The following SHROOM2 variants were observed in gnomAD, a reference collection of about 807,000 sequenced individuals.
SHROOM2 encodes the protein shroom family member 2.
In SHROOM2, 33 loss-of-function variants were observed where a neutral mutation model predicts 75.9. The observed-to-expected ratio is 0.43, with a 90% confidence interval of 0.33 to 0.58. SHROOM2 has a LOEUF of 0.58. Ranked by LOEUF, SHROOM2 falls within the 20% of genes least tolerant of loss-of-function variation. SHROOM2 has a pLI of 0.04. For missense variants in SHROOM2, 1,434 were observed against 1,461.2 expected (o/e 0.98, Z 0.30); for synonymous variants, 655 against 663.6 (o/e 0.99, Z 0.20).
intron 1 of SHROOM2, among the ~76,000 whole-genome samples, chrX:9,851,947 A>C (rs2084043285): frequency 8.9e-6 from 1 of 112,383 alleles, no homozygotes; most frequent in African/African-American, 3.2e-5. Context: ...AGGTGACTGA[A>C]GTCTGATGTA....
Position 9,947,017 on chromosome X carries a change from T to G in SHROOM2, c.*80T>G, listed in dbSNP as rs2084827744. ...CCCAAGGATACTCGTGAAGACCCCA[T>G]CTGTGTTCATGGCCTGGAAAGAGAC... On this transcript the variant is annotated 3_prime_UTR_variant, in exon 10 of 10. Coordinates refer to ENST00000380913, the MANE Select transcript of SHROOM2 (RefSeq NM_001649.4). The G allele has an allele frequency of 2.1e-6, 2 of 961,011 alleles. No homozygotes were observed. Among genetic ancestry groups the G allele is most frequent in the Non-Finnish European group, 2.8e-6 (2 of 711,533 alleles). The allele number at this position is 961,011 out of a possible 1,213,427, so 79.2% of individuals were successfully genotyped here.
intron 2 of SHROOM2, among the ~76,000 whole-genome samples, chrX:9,875,101 AAAAAAAAAAG>A (rs1345123237): frequency 3.0e-5 from 3 of 100,501 alleles, no homozygotes; most frequent in African/African-American, 1.0e-4. Context: ...AAAAAAAAAA[AAAAAAAAAAG>A]GGGAGGAAGG....
Position 9,873,738 on chromosome X carries a change from G to A in SHROOM2, c.252G>A (p.Gly84=), listed in dbSNP as rs758068903. The change falls in exon 2 of 10, where the codon GGG becomes GGA. Residue 84 remains glycine (G), a synonymous_variant. Coordinates refer to ENST00000380913, the MANE Select transcript of SHROOM2 (RefSeq NM_001649.4). ...IVGINDIGLS[G]FRQEAICLVK... is the part of the protein sequence containing the mutation. ...GCATCAATGACATTGGTCTCTCAGGGTTTAGACAGGAAGCGATTTGCCTGG... is the reference window on the plus strand; with the variant it reads ...GCATCAATGACATTGGTCTCTCAGGATTTAGACAGGAAGCGATTTGCCTGG... 4 of 1,211,557 alleles carry A rather than the reference G, an allele frequency of 3.3e-6. No homozygotes were observed. The East Asian group carries it at 1.2e-4, about 36-fold the overall frequency.
intron 1 of SHROOM2, among the ~76,000 whole-genome samples, chrX:9,812,260 C>T (rs758331905): frequency 8.9e-6 from 1 of 112,031 alleles, no homozygotes; most frequent in East Asian, 2.8e-4. Context: ...TCACCTCAGG[C>T]ACCATTGGAT....
At chrX:9,926,200 A>G (rs1042624875) in intron 5 of SHROOM2, among the ~76,000 whole-genome samples, 4 of 111,947 alleles carry the variant, frequency 3.6e-5, no homozygotes, top group African/African-American at 1.3e-4. Flanking sequence ...TCTGGGGTGT[A>G]GTTGCCTGCC....
intron 1 of SHROOM2, among the ~76,000 whole-genome samples, chrX:9,855,174 A>G (rs972518119): frequency 4.7e-5 from 5 of 107,046 alleles, no homozygotes; most frequent in Non-Finnish European, 9.6e-5. Flanking sequence ...GAGGGATAAC[A>G]TTAGGAGAAA....
At chrX:9,827,223 C>CTTTTTCTTT (rs775170980) in intron 1 of SHROOM2, among the ~76,000 whole-genome samples, 23 of 60,134 alleles carry the variant, frequency 3.8e-4, no homozygotes, top group African/African-American at 1.7e-3. Flanking sequence ...TTTTCTTTTT[C>CTTTTTCTTT]TTTTTTTTTT....
Position 9,914,731 on chromosome X carries a change from T to C in SHROOM2, c.2891+16441T>C, listed in dbSNP as rs2084471830. ...TGGGTCCTACTATGCGGTTACCATC[T>C]TGATTTTATAATAAAGCAAACTGGG... is the stretch of plus-strand genomic sequence containing the variant. On this transcript the variant is annotated intron_variant, in intron 5 of 9. Transcript: ENST00000380913. 2.7e-5 allele frequency among the ~76,000 whole-genome samples: 3 copies of C among 112,182 alleles called. No homozygotes were observed. The Admixed American group carries it at 2.8e-4, about 11-fold the overall frequency.
chrX:9,793,138 CCCCCTCCCT>C (rs1235585371), intron 1 of SHROOM2, among the ~76,000 whole-genome samples: 3 of 111,990 alleles, frequency 2.7e-5, no homozygotes, highest in African/African-American at 9.7e-5. Context: ...CTGATCACTT[CCCCCTCCCT>C]AGAGACAACT....
intron 2 of SHROOM2, among the ~76,000 whole-genome samples, chrX:9,876,783 C>T (rs2084203051): frequency 8.9e-6 from 1 of 112,403 alleles, no homozygotes; most frequent in South Asian, 3.7e-4. Context: ...ATATACATCT[C>T]TGTGTAAAGC....
intron 1 of SHROOM2, chrX:9,819,124 G>T: frequency 8.3e-7 from 1 of 1,202,896 alleles, no homozygotes; most frequent in Non-Finnish European, 1.1e-6. Flanking sequence ...AGCATGCCTC[G>T]ATAGCCACAG....
chrX:9,793,878 G>A (rs1451509334), intron 1 of SHROOM2, among the ~76,000 whole-genome samples: 1 of 109,852 alleles, frequency 9.1e-6, no homozygotes, highest in Non-Finnish European at 1.9e-5. Context: ...CTGAGTAGCT[G>A]TGACTACAGG....
chrX:9,845,033 A>G (rs1442468799), intron 1 of SHROOM2, among the ~76,000 whole-genome samples: 1 of 109,936 alleles, frequency 9.1e-6, no homozygotes. Flanking sequence ...GGAGCCCGTA[A>G]ATGTTTTCTG....
chrX:9,945,451 C>G (rs2084810118), intron 9 of SHROOM2, among the ~76,000 whole-genome samples: 1 of 111,356 alleles, frequency 9.0e-6, no homozygotes, highest in African/African-American at 3.3e-5. Context: ...TTATCAGATG[C>G]AGGGAGTTGA....
chrX:9,889,566 A>G (rs990111332), intron 2 of SHROOM2, among the ~76,000 whole-genome samples: 2 of 111,815 alleles, frequency 1.8e-5, no homozygotes, highest in Non-Finnish European at 3.8e-5. Context: ...ACCGACATCC[A>G]TTGGGATTTC....
intron 1 of SHROOM2, among the ~76,000 whole-genome samples, chrX:9,807,944 C>G (rs1256414970): frequency 3.6e-5 from 4 of 111,521 alleles, no homozygotes; most frequent in Non-Finnish European, 7.5e-5. Flanking sequence ...GGAAGAGAGC[C>G]TGACTTGTGA....
chrX:9,868,307 G>A (rs932636288), intron 1 of SHROOM2, among the ~76,000 whole-genome samples: 1 of 107,272 alleles, frequency 9.3e-6, no homozygotes, highest in Non-Finnish European at 1.9e-5. Flanking sequence ...GTGCAGTGGC[G>A]CAATCTCAGC....
intron 2 of SHROOM2, 22 bp downstream of exon 2, chrX:9,873,825 A>G (rs908800096): frequency 1.7e-6 from 2 of 1,203,567 alleles, no homozygotes; most frequent in African/African-American, 3.5e-5. Flanking sequence ...GCTTCCTCCC[A>G]CATTTACCAC....
intron 1 of SHROOM2, among the ~76,000 whole-genome samples, chrX:9,828,510 G>A (rs897198162): frequency 9.0e-6 from 1 of 111,559 alleles, no homozygotes; most frequent in Non-Finnish European, 1.9e-5. Context: ...TGCTCTGTCA[G>A]AGTAAGCCTT....
Sources: gnomAD v4.1 joint callset for allele counts (sites outside exome capture counted in the v4.1 genomes callset) on GRCh38, gnomAD v4.1.1 for gene constraint, MANE v1.5 for transcripts, NCBI Gene and HGNC (gene_info 2026-07-23, HGNC 2026-07-21) for gene names.